RNF103: variants seen among roughly 807,000 people sequenced by gnomAD.
The protein encoded by RNF103 is ring finger protein 103, also known as E3 ubiquitin-protein ligase RNF103.
In RNF103, 23 loss-of-function variants were observed where a neutral mutation model predicts 66.2. The ratio of observed to expected loss-of-function variants is 0.35; its 90% CI spans 0.25 to 0.49. The LOEUF is 0.49. RNF103 is among the 20% of genes least tolerant of loss of function. RNF103 has a pLI of 0.98. For missense variants in RNF103, 730 were observed against 814.7 expected (o/e 0.90, Z 1.27); for synonymous variants, 297 against 289.9 (o/e 1.02, Z -0.25).
At chr2:86,610,406 C>T (rs1678747268) in intron 3 of RNF103, among the ~76,000 whole-genome samples, 1 of 152,114 alleles carries the variant, frequency 6.6e-6, no homozygotes, top group Non-Finnish European at 1.5e-5. Flanking sequence ...CACTAAAATC[C>T]ACTGGACTGA....
intron 2 of RNF103, among the ~76,000 whole-genome samples, chr2:86,619,802 G>C (rs1022310174): frequency 2.6e-5 from 4 of 152,130 alleles, no homozygotes; most frequent in South Asian, 2.1e-4. Flanking sequence ...TAAAAACAAG[G>C]GTTAAAAATT....
In RNF103 at chr2:86,603,981, A is replaced by G; in HGVS notation, c.1920T>C (p.Gly640=). 1 of 1,614,012 alleles carries G rather than the reference A, an allele frequency of 6.2e-7. No individual in the cohort carries two copies. The highest frequency in any genetic ancestry group is 8.5e-7 in the Non-Finnish European group (1 of 1,179,988). Residue 640 remains glycine (G), a synonymous_variant, in exon 4 of 4, where the codon GGT becomes GGC. Coordinates refer to ENST00000237455, the MANE Select transcript of RNF103 (RefSeq NM_005667.4). The part of the protein sequence containing the change: ...NGCLLMGLPC[G]HVFHQNCIVM... ...CAATGCAATTCTGATGAAACACATGACCACAAGGCAACCCCATTAGCAAAC... is the reference window on the plus strand; with the variant it reads ...CAATGCAATTCTGATGAAACACATGGCCACAAGGCAACCCCATTAGCAAAC...
chr2:86,608,707 T>C (rs2104215646), intron 3 of RNF103, among the ~76,000 whole-genome samples: 1 of 152,126 alleles, frequency 6.6e-6, no homozygotes, highest in Middle Eastern at 3.4e-3. Context: ...GCTCCTGCAA[T>C]TTCCATGTCC....
chr2:86,614,606 A>C (rs1250084966), intron 2 of RNF103: 3 of 259,696 alleles, frequency 1.2e-5, no homozygotes, highest in Non-Finnish European at 1.1e-5. Flanking sequence ...CCATCTCAAA[A>C]AAAAGAGAGA....
intron 2 of RNF103, among the ~76,000 whole-genome samples, chr2:86,616,144 T>G (rs887694720): frequency 1.3e-5 from 2 of 152,212 alleles, no homozygotes; most frequent in African/African-American, 4.8e-5. Context: ...GATGTTTAAT[T>G]CAGTGCATTT....
At chr2:86,617,183 A>AC (rs1351732977) in intron 2 of RNF103, 8 of 985,314 alleles carry the variant, frequency 8.1e-6, no homozygotes, top group Admixed American at 6.1e-5. Context: ...CAGAGACTAT[A>AC]CGTAACATGG....
At chr2:86,610,790 G>C (rs189578685) in intron 3 of RNF103, among the ~76,000 whole-genome samples, 9 of 152,218 alleles carry the variant, frequency 5.9e-5, no homozygotes, top group African/African-American at 1.9e-4. Flanking sequence ...GTAAAAATCA[G>C]TGAGGAAGAA....
chr2:86,613,916 A>C (rs1678906522), intron 2 of RNF103: 1 of 152,204 alleles, frequency 6.6e-6, no homozygotes. Context: ...TAGGGCATTA[A>C]GCAAATGGTT....
At chr2:86,609,055 T>A (rs1266152825) in intron 3 of RNF103, among the ~76,000 whole-genome samples, 1 of 152,208 alleles carries the variant, frequency 6.6e-6, no homozygotes, top group Non-Finnish European at 1.5e-5. Context: ...TGTGGCAGTG[T>A]TGAGAGGTGA....
At chr2:86,612,826 C>G (rs182863621) in intron 2 of RNF103, 1 of 152,324 alleles carries the variant, frequency 6.6e-6, no homozygotes, top group African/African-American at 2.4e-5. Context: ...TAATCATGAA[C>G]GGCTCTAACA....
intron 3 of RNF103, among the ~76,000 whole-genome samples, chr2:86,611,224 G>A (rs1558684912): frequency 6.6e-6 from 1 of 151,770 alleles, no homozygotes; most frequent in Non-Finnish European, 1.5e-5. Flanking sequence ...GTGAAGATGA[G>A]CATGACAGCT....
intron 3 of RNF103, among the ~76,000 whole-genome samples, chr2:86,611,570 T>A (rs1678793713): frequency 6.6e-6 from 1 of 151,106 alleles, no homozygotes; most frequent in African/African-American, 2.4e-5. Flanking sequence ...AAACAAAACA[T>A]AAACAAAAAC....
chr2:86,616,494 T>C, intron 2 of RNF103: 1 of 980,122 alleles, frequency 1.0e-6, no homozygotes, highest in East Asian at 1.1e-4. Context: ...ATACAAAATA[T>C]AAGATAAAGT....
chr2:86,614,197 TG>T (rs375446365), intron 2 of RNF103: 1 of 152,246 alleles, frequency 6.6e-6, no homozygotes, highest in African/African-American at 2.4e-5. Flanking sequence ...GAAGGCAATC[TG>T]GGGACATGCA....
At chr2:86,621,831 T>C (rs777812014) in intron 1 of RNF103, among the ~76,000 whole-genome samples, 3 of 152,214 alleles carry the variant, frequency 2.0e-5, no homozygotes, top group Non-Finnish European at 2.9e-5. Context: ...TCCAAAGATA[T>C]ACTTTGTGCA....
chr2:86,623,495 GC>G lies in RNF103; in HGVS notation c.-610del, dbSNP rs1679321431. On this transcript the variant is annotated 5_prime_UTR_variant, in exon 1 of 4. Coordinates refer to ENST00000237455, the MANE Select transcript of RNF103 (RefSeq NM_005667.4). ...CCGCAACGCCGCGCCCGAAGCCCAG[GC>G]CCCAGGCCCCGCCGACCGCCCAGGC... is the stretch of plus-strand genomic sequence containing the variant. The G allele has an allele frequency of 1.0e-6, 1 of 982,992 alleles. No homozygotes were observed. The highest frequency in any genetic ancestry group is 1.8e-5 in the African/African-American group (1 of 56,990). The allele number at this position is 982,992 out of a possible 1,614,324, so 60.9% of individuals were successfully genotyped here. A position where few individuals can be genotyped will look rare whatever the true frequency, so the allele number is the denominator to read the frequency against.
intron 3 of RNF103, among the ~76,000 whole-genome samples, chr2:86,610,948 T>C (rs1403507519): frequency 6.6e-6 from 1 of 151,512 alleles, no homozygotes. Context: ...ACAAAAGACA[T>C]TGGGATGTGA....
At chr2:86,606,662 C>CAAAAA (rs200897796) in intron 3 of RNF103, among the ~76,000 whole-genome samples, 15 of 97,370 alleles carry the variant, frequency 1.5e-4, no homozygotes, top group African/African-American at 3.3e-4. Context: ...AACTTCGTCT[C>CAAAAA]AAAAAAAAAA....
chr2:86,615,208 G>A (rs1030258478), intron 2 of RNF103: 9 of 985,248 alleles, frequency 9.1e-6, no homozygotes, highest in African/African-American at 5.2e-5. Flanking sequence ...ATTCAGCAAC[G>A]TGTTCTAGCA....
Sources: gnomAD v4.1 joint callset for allele counts (sites outside exome capture counted in the v4.1 genomes callset) on GRCh38, gnomAD v4.1.1 for gene constraint, MANE v1.5 for transcripts, NCBI Gene and HGNC (gene_info 2026-07-23, HGNC 2026-07-21) for gene names.